Variants in COL19A1 observed in about 807,000 individuals in gnomAD.
The protein encoded by COL19A1 is collagen alpha-1(XIX) chain.
COL19A1 carries 159 observed loss-of-function variants against 190.2 expected under a neutral mutation model. The observed-to-expected ratio is 0.84, with a 90% CI of 0.73 to 0.95. The LOEUF (loss-of-function observed/expected upper bound fraction) is 0.95. Among genes scored for constraint, COL19A1 ranks in the 40% least tolerant of loss-of-function variants. COL19A1 has a pLI of 0.00. For synonymous variants in COL19A1, 509 were observed against 458.9 expected (o/e 1.11, Z -1.39); for missense variants, 1,418 against 1,431.9 (o/e 0.99, Z 0.16).
At chr6:70,204,207 T>C (rs1767725509) in intron 49 of COL19A1, among the ~76,000 whole-genome samples, 1 of 152,190 alleles carries the variant, frequency 6.6e-6, no homozygotes, top group South Asian at 2.1e-4. Context: ...TCTTTGCAGA[T>C]AGACCAGCCT....
In COL19A1 at chr6:70,199,660, T is replaced by C; in HGVS notation, c.3147T>C (p.Ala1049=). Residue 1049 remains alanine (A), a synonymous_variant, in exon 49 of 51, where the codon GCT becomes GCC. Transcript: ENST00000620364. ...SQLKLPAAML[A]AQAYGRPGPP... Reference sequence around the variant, plus strand: ...TCAAGCTGCCAGCAGCAATGTTGGCTGCCCAAGCTTATGGGAGACCTGGGC... The same window carrying C: ...TCAAGCTGCCAGCAGCAATGTTGGCCGCCCAAGCTTATGGGAGACCTGGGC... The C allele has an allele frequency of 6.2e-7, 1 of 1,608,672 alleles. No individual in the cohort carries two copies. Among genetic ancestry groups the C allele is most frequent in the East Asian group, 2.2e-5 (1 of 44,700 alleles).
intron 11 of COL19A1, among the ~76,000 whole-genome samples, chr6:69,976,616 T>C (rs1051355827): frequency 2.0e-5 from 3 of 152,008 alleles, no homozygotes; most frequent in Non-Finnish European, 2.9e-5. Flanking sequence ...TCCTGAAGCA[T>C]AGGTAAGAGT....
chr6:69,930,980 A>G (rs1772725919), intron 6 of COL19A1, among the ~76,000 whole-genome samples: 1 of 152,188 alleles, frequency 6.6e-6, no homozygotes, highest in Non-Finnish European at 1.5e-5. Context: ...ACAATGATGC[A>G]ATATTTTTGG....
At chr6:70,087,275 A>G (rs1020182432) in intron 15 of COL19A1, among the ~76,000 whole-genome samples, 3 of 152,178 alleles carry the variant, frequency 2.0e-5, no homozygotes, top group Non-Finnish European at 2.9e-5. Context: ...GATACATGCA[A>G]CCAAGATTAA....
At chr6:70,005,054 G>C (rs184110724) in intron 11 of COL19A1, among the ~76,000 whole-genome samples, 6 of 152,118 alleles carry the variant, frequency 3.9e-5, no homozygotes, top group East Asian at 3.9e-4. Flanking sequence ...GGATGGTCTC[G>C]ATCTCCTAAC....
At chr6:70,173,544 G>A (rs1237713743) in intron 41 of COL19A1, among the ~76,000 whole-genome samples, 1 of 152,168 alleles carries the variant, frequency 6.6e-6, no homozygotes, top group Non-Finnish European at 1.5e-5. Context: ...CTGCAAATAG[G>A]TCAAGTACAA....
intron 11 of COL19A1, among the ~76,000 whole-genome samples, chr6:69,965,697 TTGG>T (rs1775049562): frequency 6.6e-6 from 1 of 152,228 alleles, no homozygotes; most frequent in Non-Finnish European, 1.5e-5. Flanking sequence ...AGAAAGGTTG[TTGG>T]TGCTGACATG....
intron 15 of COL19A1, among the ~76,000 whole-genome samples, chr6:70,077,084 T>C (rs1006690724): frequency 2.6e-5 from 4 of 152,230 alleles, no homozygotes; most frequent in African/African-American, 9.6e-5. Flanking sequence ...AACATTTTTA[T>C]GGCCTAATGA....
chr6:70,166,602 C>T (rs952592308), intron 37 of COL19A1, among the ~76,000 whole-genome samples: 1 of 152,202 alleles, frequency 6.6e-6, no homozygotes, highest in Non-Finnish European at 1.5e-5. Context: ...TGAGATATCA[C>T]GCAAAACACC....
chr6:70,155,928 A>G (rs765683224), intron 31 of COL19A1, among the ~76,000 whole-genome samples, 199 bp from the exon 32 acceptor site: 55 of 152,170 alleles, frequency 3.6e-4, no homozygotes, highest in Non-Finnish European at 6.2e-4. Flanking sequence ...AACAGATATC[A>G]CTGATGAGCT....
chr6:69,973,894 A>G (rs1450434498), intron 11 of COL19A1: 1 of 152,230 alleles, frequency 6.6e-6, no homozygotes, highest in Admixed American at 6.5e-5. Context: ...TTCACTGTAT[A>G]GGAATTGCTG....
intron 11 of COL19A1, among the ~76,000 whole-genome samples, chr6:70,021,976 A>T (rs1778440353): frequency 6.6e-6 from 1 of 151,988 alleles, no homozygotes; most frequent in African/African-American, 2.4e-5. Flanking sequence ...TGTATATTGT[A>T]TGCGTTTCTT....
chr6:69,925,107 AT>A (rs1450438031), intron 4 of COL19A1, among the ~76,000 whole-genome samples: 1 of 152,074 alleles, frequency 6.6e-6, no homozygotes, highest in Non-Finnish European at 1.5e-5. Context: ...CCATTTGTCA[AT>A]TTTGGCTTTT....
intron 2 of COL19A1, among the ~76,000 whole-genome samples, chr6:69,887,259 A>G (rs1769008146): frequency 6.6e-6 from 1 of 152,220 alleles, no homozygotes; most frequent in African/African-American, 2.4e-5. Context: ...TTCCCTACAT[A>G]CATTGTGAGT....
At chr6:70,043,444 G>A (rs553834980) in intron 14 of COL19A1, among the ~76,000 whole-genome samples, 49 of 152,030 alleles carry the variant, frequency 3.2e-4, no homozygotes, top group African/African-American at 1.1e-3. Context: ...TGCCCGTCTC[G>A]GCCTCCCAAA....
intron 18 of COL19A1, among the ~76,000 whole-genome samples, chr6:70,133,647 G>A (rs1785657515): frequency 6.6e-6 from 1 of 152,200 alleles, no homozygotes; most frequent in Non-Finnish European, 1.5e-5. Flanking sequence ...GGAAAAGGTG[G>A]AGTCACTACA....
intron 12 of COL19A1, 119 bp downstream of exon 12, chr6:70,023,799 T>G: frequency 1.2e-6 from 1 of 819,202 alleles, no homozygotes; most frequent in Non-Finnish European, 1.9e-6. Flanking sequence ...CCAACAAAAT[T>G]AAGAATCATG....
At chr6:70,190,100 C>T (rs1015180684) in intron 47 of COL19A1, among the ~76,000 whole-genome samples, 6 of 152,194 alleles carry the variant, frequency 3.9e-5, no homozygotes, top group Non-Finnish European at 7.3e-5. Flanking sequence ...GATCCCAGCC[C>T]ATAGCTTTTA....
intron 46 of COL19A1, among the ~76,000 whole-genome samples, chr6:70,187,842 A>T (rs1766621811): frequency 6.6e-6 from 1 of 152,066 alleles, no homozygotes; most frequent in Non-Finnish European, 1.5e-5. Flanking sequence ...GGTGCCAGGC[A>T]TTGCTCTGAG....
Sources: allele counts gnomAD v4.1 joint callset (sites outside exome capture counted in the v4.1 genomes callset), GRCh38; gene constraint gnomAD v4.1.1; transcripts MANE v1.5; gene names NCBI Gene and HGNC (gene_info 2026-07-23, HGNC 2026-07-21).